The following ZC3H14 variants were observed in gnomAD, a reference collection of about 807,000 sequenced individuals.
ZC3H14 encodes zinc finger CCCH-type containing 14.
Under a neutral mutation model 92.4 loss-of-function variants are expected in ZC3H14, and 31 were observed. That is an observed-to-expected ratio of 0.34 (90% CI 0.25 to 0.45). ZC3H14 has a LOEUF of 0.45. Ranked by LOEUF, ZC3H14 falls within the 20% of genes least tolerant of loss-of-function variation. The probability of loss-of-function intolerance (pLI) is 1.00; values close to 1 mark genes in which losing one functional copy is unlikely to be tolerated. For missense variants in ZC3H14, 781 were observed against 897.3 expected (o/e 0.87, Z 1.66); for synonymous variants, 321 against 300.9 (o/e 1.07, Z -0.69).
chr14:88,594,934 C>G, intron 9 of ZC3H14: 2 of 1,613,868 alleles, frequency 1.2e-6, no homozygotes, highest in Non-Finnish European at 1.7e-6. Context: ...TCTTTTTGAT[C>G]TAAATGTTAG....
In ZC3H14 at chr14:88,620,616, A is replaced by T. The variant is rs191416975; in HGVS notation, c.*8865A>T. 339 of 694,704 alleles carry T rather than the reference A, an allele frequency of 4.9e-4. 1 individual carries two copies. Among genetic ancestry groups the T allele is most frequent in the African/African-American group, 4.7e-3 (255 of 53,838 alleles). 43.0% of individuals were successfully genotyped at this position (694,704 alleles called of 1,614,324 possible). ...AATTAAGTAGTATACAAACAGCCAT[A>T]TTTTAGCATACAATTTATAATACGG... On this transcript the variant is annotated 3_prime_UTR_variant, in exon 17 of 17. Coordinates refer to ENST00000251038, the MANE Select transcript of ZC3H14 (RefSeq NM_024824.5). This position sits in a 1 kb window ranked among gnomAD's most constrained non-coding sequence, Gnocchi z 4.3.
At chr14:88,578,290 C>G in intron 9 of ZC3H14, 150 bp downstream of exon 9, 1 of 1,233,600 alleles carries the variant, frequency 8.1e-7, no homozygotes, top group Non-Finnish European at 1.1e-6. Flanking sequence ...GAGGAAGGTT[C>G]ATACCAACAC....
At chr14:88,574,266 T>C (rs1428139647) in intron 6 of ZC3H14, 1 of 162,738 alleles carries the variant, frequency 6.1e-6, no homozygotes. Flanking sequence ...TTTATTTTGA[T>C]ACGGTGTCTC....
Position 88,602,895 on chromosome 14 carries a change from C to T in ZC3H14, c.1582C>T (p.Pro528Ser). 3 of 1,614,072 alleles carry T rather than the reference C, an allele frequency of 1.9e-6. No individual in the cohort carries two copies. Among genetic ancestry groups the T allele is most frequent in the Non-Finnish European group, 2.5e-6 (3 of 1,180,012 alleles). Residue 528 changes from proline (P) to serine (S), a missense_variant, in exon 12 of 17, where the codon CCC becomes TCC. Transcript: ENST00000251038. ...AGTGACGCTGGATGGTGTCCCCAGC[C>T]CCCCAGGATACATGTCAGATCAAGA... ...FIVTLDGVPS[P>S]PGYMSDQEED... is the part of the protein sequence containing the mutation.
At position 88,568,450 on chromosome 14, in the gene ZC3H14, G is replaced by A. The variant is rs1281286893; in HGVS notation, c.194+297G>A. 3.3e-5 allele frequency among the ~76,000 whole-genome samples: 5 copies of A among 152,256 alleles called. No individual in the cohort carries two copies. The East Asian group carries it at 9.6e-4, about 29-fold the overall frequency. On this transcript the variant is annotated intron_variant, in intron 3 of 16. Transcript: ENST00000251038. ...ACAAGTCGACAGGAAAGAGAAGAGTGAAGGAGGAACTTCCAGAGACTTATA... is the reference window on the plus strand; with the variant it reads ...ACAAGTCGACAGGAAAGAGAAGAGTAAAGGAGGAACTTCCAGAGACTTATA...
chr14:88,563,704 T>C lies in ZC3H14; in HGVS notation c.79+11T>C, dbSNP rs750332373. ...TAGGAGCTTATGTTGGTAAGTGTTT[T>C]TTTGGTTGTTAGTCTTACAGAATTT... On this transcript the variant is annotated intron_variant, in intron 2 of 16. Coordinates refer to ENST00000251038, the MANE Select transcript of ZC3H14 (RefSeq NM_024824.5). The C allele has an allele frequency of 8.7e-6, 14 of 1,613,178 alleles. No individual in the cohort carries two copies. Among genetic ancestry groups the C allele is most frequent in the Non-Finnish European group, 1.2e-5 (14 of 1,179,092 alleles).
At position 88,618,466 on chromosome 14, in the gene ZC3H14, A is replaced by G; in HGVS notation, c.*6715A>G. ...TATTAAGTATGCAAAAGATCACTAC[A>G]AAAACTTAATAGGAGAAAAGCTCTG... On this transcript the variant is annotated 3_prime_UTR_variant, in exon 17 of 17. Coordinates refer to ENST00000251038, the MANE Select transcript of ZC3H14 (RefSeq NM_024824.5). 9.1e-7 allele frequency: 1 copy of G among 1,098,420 alleles called. No individual in the cohort carries two copies. The highest frequency in any genetic ancestry group is 2.4e-5 in the Admixed American group (1 of 42,040). The allele number at this position is 1,098,420 out of a possible 1,614,324, so 68.0% of individuals were successfully genotyped here.
intron 10 of ZC3H14, among the ~76,000 whole-genome samples, chr14:88,598,362 CAAGT>C (rs917805628): frequency 2.0e-5 from 3 of 152,152 alleles, no homozygotes; most frequent in Non-Finnish European, 4.4e-5. Context: ...CAAAGTTTTT[CAAGT>C]AATAGCCTGG....
chr14:88,616,930 G>C lies in ZC3H14; in HGVS notation c.*5179G>C, dbSNP rs144680502. ...TCATCATGGCAAGTGCGGGCAGGTTGACTATATTCAAAAAGTTTCTTGGCA... is the reference window on the plus strand; with the variant it reads ...TCATCATGGCAAGTGCGGGCAGGTTCACTATATTCAAAAAGTTTCTTGGCA... On this transcript the variant is annotated 3_prime_UTR_variant, in exon 17 of 17. Coordinates refer to ENST00000251038, the MANE Select transcript of ZC3H14 (RefSeq NM_024824.5). 5.9e-5 allele frequency: 93 copies of C among 1,564,432 alleles called. No homozygotes were observed. The East Asian group carries it at 1.8e-3, about 30-fold the overall frequency.
chr14:88,581,990 T>C (rs373459468), intron 9 of ZC3H14, among the ~76,000 whole-genome samples: 12 of 152,248 alleles, frequency 7.9e-5, no homozygotes, highest in African/African-American at 2.4e-4. Flanking sequence ...TGGCATCTGT[T>C]GGAACCAAAC....
chr14:88,568,927 G>A (rs1595499438), intron 3 of ZC3H14, among the ~76,000 whole-genome samples: 1 of 151,948 alleles, frequency 6.6e-6, no homozygotes, highest in African/African-American at 2.4e-5. Context: ...CTGTCACCAG[G>A]CTGGAGCACA....
At position 88,610,785 on chromosome 14, in the gene ZC3H14, C is replaced by T. The variant is rs750641755; in HGVS notation, c.2098-49C>T. 1.9e-6 allele frequency: 3 copies of T among 1,545,446 alleles called. No individual in the cohort carries two copies. The East Asian group carries it at 6.7e-5, about 35-fold the overall frequency. ...CTCAAATAATAAAATAATGTGTTTA[C>T]TTATATTAGCCTTGTGGATATTGTT... On this transcript the variant is annotated intron_variant, in intron 15 of 16. Coordinates refer to ENST00000251038, the MANE Select transcript of ZC3H14 (RefSeq NM_024824.5).
intron 10 of ZC3H14, among the ~76,000 whole-genome samples, chr14:88,597,277 T>C (rs1269405523): frequency 1.3e-5 from 2 of 152,176 alleles, no homozygotes; most frequent in African/African-American, 4.8e-5. Context: ...TCTCCTTTCC[T>C]CTCCCCACAG....
rs780265001 is a variant in ZC3H14, at chr14:88,568,199, C to A, written c.194+46C>A. On this transcript the variant is annotated intron_variant, in intron 3 of 16. Transcript: ENST00000251038. ...GCCTCAGACCAAAGTTTGGCACAAG[C>A]CTGAGTTGATATTCTGTCCAAAGAG... 3.7e-5 allele frequency: 55 copies of A among 1,498,840 alleles called. No homozygotes were observed. In the South Asian group the frequency reaches 6.0e-4, roughly 16 times the overall value. 92.8% of individuals were successfully genotyped at this position (1,498,840 alleles called of 1,614,324 possible). A position where few individuals can be genotyped will look rare whatever the true frequency, so the allele number is the denominator to read the frequency against.
rs906432337 is a variant in ZC3H14 at position 88,577,871 on chromosome 14, A to C, written c.1124-114A>C. The C allele has an allele frequency of 3.6e-6, 5 of 1,390,452 alleles. No homozygotes were observed. In the African/African-American group the frequency reaches 7.1e-5, roughly 20 times the overall value. The allele number at this position is 1,390,452 out of a possible 1,614,324, so 86.1% of individuals were successfully genotyped here. ...GGCATGAGCCACTGCGCCCAGCCTGAACTCATATGTCCTAAACCAAAGGAG... is the reference window on the plus strand; with the variant it reads ...GGCATGAGCCACTGCGCCCAGCCTGCACTCATATGTCCTAAACCAAAGGAG... On this transcript the variant is annotated intron_variant, in intron 8 of 16. Transcript: ENST00000251038.
rs1566990057 is a variant in ZC3H14 at position 88,610,947 on chromosome 14, A to G, written c.2204+7A>G. On this transcript the variant is annotated splice_region_variant and intron_variant, in intron 16 of 16. Coordinates refer to ENST00000251038, the MANE Select transcript of ZC3H14 (RefSeq NM_024824.5). ...GGATTCGACCTCAAACCAGGTAAAC[A>G]TTCAAATTCGTTTTTCTCATGTCAG... 6.2e-7 allele frequency: 1 copy of G among 1,612,906 alleles called. No individual in the cohort carries two copies. The highest frequency in any genetic ancestry group is 2.2e-5 in the East Asian group (1 of 44,876).
chr14:88,572,478 T>G (rs1202763364), intron 5 of ZC3H14, 100 bp from the exon 6 acceptor site: 1 of 1,444,958 alleles, frequency 6.9e-7, no homozygotes, highest in Non-Finnish European at 9.6e-7. Context: ...GGGAGTATCC[T>G]CAGTTTTTTC....
chr14:88,584,120 T>G (rs2082219579), intron 9 of ZC3H14, among the ~76,000 whole-genome samples: 1 of 152,246 alleles, frequency 6.6e-6, no homozygotes, highest in African/African-American at 2.4e-5. Context: ...TATAGCCATT[T>G]AATTATATTT....
At position 88,622,362 on chromosome 14, in the gene ZC3H14, G is replaced by T. The variant is rs1304452494; in HGVS notation, c.*10611G>T. The T allele has an allele frequency of 1.1e-5, 4 of 349,892 alleles. No individual in the cohort carries two copies. Among genetic ancestry groups the T allele is most frequent in the African/African-American group, 6.3e-5 (3 of 47,712 alleles). 21.7% of individuals were successfully genotyped at this position (349,892 alleles called of 1,614,324 possible). A position where few individuals can be genotyped will look rare whatever the true frequency, so the allele number is the denominator to read the frequency against. On this transcript the variant is annotated 3_prime_UTR_variant, in exon 17 of 17. Transcript: ENST00000251038. ...TATGTCTACTAGAGTTGTTAAATTGGCAGATTCTAGAAAATATTGGAGGTT... is the reference window on the plus strand; with the variant it reads ...TATGTCTACTAGAGTTGTTAAATTGTCAGATTCTAGAAAATATTGGAGGTT...
Sources: gnomAD v4.1 joint callset for allele counts (sites outside exome capture counted in the v4.1 genomes callset) on GRCh38, gnomAD v4.1.1 for gene constraint, Gnocchi (gnomAD v3.1) non-coding constraint, MANE v1.5 for transcripts, NCBI Gene and HGNC (gene_info 2026-07-23, HGNC 2026-07-21) for gene names.